Variants in FCSK observed in about 807,000 individuals in gnomAD.
The protein encoded by FCSK is fucose kinase.
Under a neutral mutation model 122.5 loss-of-function variants are expected in FCSK, and 123 were observed. The ratio of observed to expected loss-of-function variants is 1.00; its 90% CI spans 0.87 to 1.17. FCSK has a LOEUF of 1.17. Ranked by LOEUF, FCSK falls within the 50% of genes most tolerant of loss-of-function variation. The pLI is 0.00. For missense variants in FCSK, 1,366 were observed against 1,450.4 expected (o/e 0.94, Z 0.95); for synonymous variants, 620 against 625.5 (o/e 0.99, Z 0.13).
intron 1 of FCSK, among the ~76,000 whole-genome samples, 151 bp from the exon 2 acceptor site, chr16:70,463,018 G>A (rs554381966): frequency 6.6e-6 from 1 of 152,374 alleles, no homozygotes; most frequent in Admixed American, 6.5e-5. Flanking sequence ...GCGGGGAGGA[G>A]AGGTTGCATG....
chr16:70,473,207 C>T lies in FCSK; in HGVS notation c.1631C>T (p.Ala544Val). 6.5e-7 allele frequency: 1 copy of T among 1,537,066 alleles called. No individual in the cohort carries two copies. The highest frequency in any genetic ancestry group is 1.2e-5 in the South Asian group (1 of 83,948). The change falls in exon 15 of 24, where the codon GCC becomes GTC. Residue 544 changes from alanine to valine, a missense_variant. Coordinates refer to ENST00000288078, the MANE Select transcript of FCSK (RefSeq NM_145059.3). This position sits in a 1 kb window ranked among gnomAD's most constrained non-coding sequence, Gnocchi z 4.9. ...QPCLDRAATL[A>V]SRRDLFFRQA... is the part of the protein sequence containing the mutation. ...TGCCTGGATCGGGCTGCCACGCTGG[C>T]CTCTCGCCGGGACCTGTTCTTCCGC...
rs1567716186 is a variant in FCSK, at chr16:70,479,287, G to A, written c.3037G>A (p.Ala1013Thr). 6.2e-7 allele frequency: 1 copy of A among 1,613,856 alleles called. No individual in the cohort carries two copies. The highest frequency in any genetic ancestry group is 1.1e-5 in the South Asian group (1 of 91,080). Residue 1013 changes from alanine (A) to threonine (T), a missense_variant, in exon 23 of 24, where the codon GCC becomes ACC. Ala to Thr is a moderately conservative substitution (Grantham distance 58). Coordinates refer to ENST00000288078, the MANE Select transcript of FCSK (RefSeq NM_145059.3). ...TGTGCGGCGTATGATGGATGTCCTG[G>A]CCCCCCACGTGCATGGCCAGAGCCT... ...LTVRRMMDVLAPHVHGQSLAG... is the reference protein window; with the variant it reads ...LTVRRMMDVLTPHVHGQSLAG...
In FCSK at chr16:70,469,219, G is replaced by A; in HGVS notation, c.851G>A (p.Gly284Glu). The A allele has an allele frequency of 1.2e-6, 2 of 1,614,098 alleles. No individual in the cohort carries two copies. The highest frequency in any genetic ancestry group is 8.5e-7 in the Non-Finnish European group (1 of 1,180,008). Residue 284 changes from glycine to glutamate, a missense_variant, in exon 10 of 24, where the codon GGG becomes GAG. By Grantham distance (98) the Gly-to-Glu change is moderately conservative. Transcript: ENST00000288078. The stretch of plus-strand genomic sequence containing the variant: ...GTGACCAGGGAGGACTTCCTGGTGG[G>A]GAGGCCCCCAGAGTTGGGGCAAGGC... ...ENVTREDFLVGRPPELGQGDA... is the reference protein window; with the variant it reads ...ENVTREDFLVERPPELGQGDA...
chr16:70,454,595 A>G lies in FCSK; in HGVS notation c.-58A>G, dbSNP rs1050265907. On this transcript the variant is annotated 5_prime_UTR_variant, in exon 1 of 24. Transcript: ENST00000288078. ...CGCGAGGGTCGCGCAGCCTCGCGTT[A>G]AAGAGCCCGCTCCGCCGAGCGCCGG... The G allele has an allele frequency of 2.0e-5, 3 of 152,052 alleles. No homozygotes were observed. The highest frequency in any genetic ancestry group is 4.4e-5 in the Non-Finnish European group (3 of 67,996). The allele number at this position is 152,052 out of a possible 1,614,324, so 9.4% of individuals were successfully genotyped here. A position where few individuals can be genotyped will look rare whatever the true frequency, so the allele number is the denominator to read the frequency against.
At chr16:70,458,574 G>A (rs185253030) in intron 1 of FCSK, among the ~76,000 whole-genome samples, 1 of 151,716 alleles carries the variant, frequency 6.6e-6, no homozygotes, top group African/African-American at 2.4e-5. Context: ...TCAGCCTCCC[G>A]AGTAACTGGG....
Position 70,470,228 on chromosome 16 carries a change from C to T in FCSK, c.956-86C>T, listed in dbSNP as rs1384962736. ...CTAACAGGCTCATGGCCACACCTGCCCCCATGTGTCTCTGCTGCTGGGAGG... is the reference window on the plus strand; with the variant it reads ...CTAACAGGCTCATGGCCACACCTGCTCCCATGTGTCTCTGCTGCTGGGAGG... On this transcript the variant is annotated intron_variant, in intron 10 of 23. Coordinates refer to ENST00000288078, the MANE Select transcript of FCSK (RefSeq NM_145059.3). The T allele has an allele frequency of 8.2e-6, 7 of 849,590 alleles. No individual in the cohort carries two copies. The African/African-American group carries it at 1.2e-4, about 14-fold the overall frequency. The allele number at this position is 849,590 out of a possible 1,614,324, so 52.6% of individuals were successfully genotyped here.
At chr16:70,457,251 T>A (rs1316061065) in intron 1 of FCSK, among the ~76,000 whole-genome samples, 1 of 152,032 alleles carries the variant, frequency 6.6e-6, no homozygotes, top group African/African-American at 2.4e-5. Context: ...CATTGGACTC[T>A]CTGGGGCATT....
At position 70,473,282 on chromosome 16, in the gene FCSK, G is replaced by A. The variant is rs2048692357; in HGVS notation, c.1706G>A (p.Ser569Asn). 2.0e-6 allele frequency: 3 copies of A among 1,529,060 alleles called. No homozygotes were observed. Among genetic ancestry groups the A allele is most frequent in the African/African-American group, 1.4e-5 (1 of 72,716 alleles). 94.7% of individuals were successfully genotyped at this position (1,529,060 alleles called of 1,614,324 possible). The change falls in exon 15 of 24, where the codon AGC becomes AAC. Residue 569 changes from serine to asparagine, a missense_variant. Coordinates refer to ENST00000288078, the MANE Select transcript of FCSK (RefSeq NM_145059.3). The surrounding 1 kb of genome is among the most constrained non-coding windows in gnomAD (Gnocchi z 4.9). ...GTGCTGGAGGCCCGGCAGGACCTCAGCCTGCGCCCGCTGATCTGGGCTGCT... is the reference window on the plus strand; with the variant it reads ...GTGCTGGAGGCCCGGCAGGACCTCAACCTGCGCCCGCTGATCTGGGCTGCT... ...RHVLEARQDL[S>N]LRPLIWAAVR...
At chr16:70,459,960 T>C (rs1390562257) in intron 1 of FCSK, among the ~76,000 whole-genome samples, 1 of 151,556 alleles carries the variant, frequency 6.6e-6, no homozygotes, top group African/African-American at 2.4e-5. Flanking sequence ...CACCACCACA[T>C]CTGGCTAATT....
At chr16:70,460,503 C>G (rs1221635878) in intron 1 of FCSK, among the ~76,000 whole-genome samples, 1 of 151,884 alleles carries the variant, frequency 6.6e-6, no homozygotes, top group Non-Finnish European at 1.5e-5. Flanking sequence ...CTCCTGGGTT[C>G]AAGTGATTAT....
chr16:70,457,173 G>T (rs2048116537), intron 1 of FCSK, among the ~76,000 whole-genome samples: 1 of 152,154 alleles, frequency 6.6e-6, no homozygotes, highest in Non-Finnish European at 1.5e-5. Context: ...CTCTGGCCAT[G>T]ACCTGTCACC....
chr16:70,469,374 A>T, intron 10 of FCSK, 51 bp downstream of exon 10: 1 of 1,513,786 alleles, frequency 6.6e-7, no homozygotes, highest in South Asian at 1.3e-5. Flanking sequence ...GGGAGTGAGG[A>T]CCCCAAGAAT....
At chr16:70,472,150 G>T (rs1244979227) in intron 13 of FCSK, among the ~76,000 whole-genome samples, 5 of 152,138 alleles carry the variant, frequency 3.3e-5, no homozygotes, top group Admixed American at 3.3e-4. Context: ...TAGAGACTGG[G>T]ATTCAGAGAG....
chr16:70,468,856 G>A lies in FCSK; in HGVS notation c.671G>A (p.Gly224Glu), dbSNP rs1428363292. 5 of 1,614,038 alleles carry A rather than the reference G, an allele frequency of 3.1e-6. No individual in the cohort carries two copies. The highest frequency in any genetic ancestry group is 1.1e-5 in the South Asian group (1 of 91,074). ...TTTTGGGGTCCCTTCCAGGTCTCTG[G>A]GGTTGTCTTCTTCTCTGTGGAGACT... ...RPDGRVPLVS[G>E]VVFFSVETAE... Residue 224 changes from glycine (G) to glutamate (E), a missense_variant, in exon 9 of 24, where the codon GGG becomes GAG. Physicochemically the swap from Gly to Glu is moderately conservative, Grantham distance 98 (BLOSUM62 -2). Coordinates refer to ENST00000288078, the MANE Select transcript of FCSK (RefSeq NM_145059.3).
Position 70,466,307 on chromosome 16 carries a change from C to G in FCSK, c.411+50C>G, listed in dbSNP as rs769922626. 6.9e-6 allele frequency: 11 copies of G among 1,604,970 alleles called. No individual in the cohort carries two copies. The Admixed American group carries it at 1.2e-4, about 17-fold the overall frequency. Reference sequence around the variant, plus strand: ...TGCCTCGTCCCAGATAGAGCCACTTCCCTCCCACTGTTCCCCCAGGTATGA... The same window carrying G: ...TGCCTCGTCCCAGATAGAGCCACTTGCCTCCCACTGTTCCCCCAGGTATGA... On this transcript the variant is annotated intron_variant, in intron 5 of 23. Transcript: ENST00000288078.
chr16:70,474,831 G>A lies in FCSK; in HGVS notation c.2197G>A (p.Gly733Arg), dbSNP rs372313872. Residue 733 changes from glycine to arginine, a missense_variant, in exon 18 of 24, where the codon GGG (glycine) becomes AGG (arginine). Gly to Arg is a moderately radical substitution (Grantham distance 125, BLOSUM62 -2). Coordinates refer to ENST00000288078, the MANE Select transcript of FCSK (RefSeq NM_145059.3). The stretch of plus-strand genomic sequence containing the variant: ...GCCACCCCTTGCCTATGAGCTTGGC[G>A]GGGCTGTGCTGGGCCTGGCTGTGCG... Reference protein sequence around the residue: ...DTPPLAYELGGAVLGLAVRVD... With the variant: ...DTPPLAYELGRAVLGLAVRVD... 6.4e-5 allele frequency: 102 copies of A among 1,592,938 alleles called. No individual in the cohort carries two copies. In the African/African-American group the frequency reaches 8.3e-4, roughly 13 times the overall value.
chr16:70,469,375 C>A, intron 10 of FCSK, 52 bp downstream of exon 10: 4 of 1,505,570 alleles, frequency 2.7e-6, no homozygotes, highest in Non-Finnish European at 3.6e-6. Context: ...GGAGTGAGGA[C>A]CCCAAGAATG....
chr16:70,471,242 G>A lies in FCSK; in HGVS notation c.1231G>A (p.Ala411Thr), dbSNP rs1254192104. The A allele has an allele frequency of 6.2e-7, 1 of 1,610,748 alleles. No homozygotes were observed. Among genetic ancestry groups the A allele is most frequent in the Admixed American group, 1.7e-5 (1 of 59,774 alleles). The change falls in exon 13 of 24, where the codon GCC (alanine) becomes ACC (threonine). Residue 411 changes from alanine (A) to threonine (T), a missense_variant. Ala to Thr is a moderately conservative substitution (Grantham distance 58, BLOSUM62 0). Transcript: ENST00000288078. The stretch of plus-strand genomic sequence containing the variant: ...TGGCCTGGATACAGCCCACTCCAAG[G>A]CCCTGCATGGCCGGGAGCTGCGTGA... ...VTGLDTAHSK[A>T]LHGRELRDLV...
intron 1 of FCSK, among the ~76,000 whole-genome samples, chr16:70,455,824 G>A (rs1000649599): frequency 2.6e-5 from 4 of 151,690 alleles, no homozygotes; most frequent in Non-Finnish European, 5.9e-5. Context: ...CCTGGGAGGC[G>A]GAGATTGCAG....
Sources: gnomAD v4.1 joint callset for allele counts (sites outside exome capture counted in the v4.1 genomes callset) on GRCh38, gnomAD v4.1.1 for gene constraint, Gnocchi (gnomAD v3.1) non-coding constraint, MANE v1.5 for transcripts, NCBI Gene and HGNC (gene_info 2026-07-23, HGNC 2026-07-21) for gene names.